Variants in CSMD1 observed in about 807,000 individuals in gnomAD.
CSMD1 encodes CUB and sushi domain-containing protein 1.
Under a neutral mutation model 417.5 loss-of-function variants are expected in CSMD1, and 213 were observed. The observed-to-expected ratio is 0.51, with a 90% CI of 0.46 to 0.57. CSMD1 has a LOEUF of 0.57. CSMD1 is among the 20% of genes least tolerant of loss of function. The pLI, the probability that CSMD1 is intolerant of heterozygous loss-of-function variation, is 0.00. For synonymous variants in CSMD1, 2,862 were observed against 1,736.8 expected, an observed-to-expected ratio of 1.65 and a Z score of -16.11; for missense variants, 6,923 against 4,529.7, an observed-to-expected ratio of 1.53 and a Z score of -15.17.
chr8:4,648,671 C>A lies in CSMD1; in HGVS notation c.86-11113G>T, dbSNP rs1231370482. ...TCATTTCACAGACAACCATGTTTCACCTTTTACTGGATTTTTAACATTTAC... is the reference window on the plus strand; with the variant it reads ...TCATTTCACAGACAACCATGTTTCAACTTTTACTGGATTTTTAACATTTAC... On this transcript the variant is annotated intron_variant, in intron 1 of 69. Transcript: ENST00000635120. Among the ~76,000 whole-genome samples, 4 of 152,148 alleles carry A rather than the reference C, an allele frequency of 2.6e-5. No individual in the cohort carries two copies. The East Asian group carries it at 5.8e-4, about 22-fold the overall frequency.
rs559735627 is a variant in CSMD1 at position 4,746,577 on chromosome 8, G to A, written c.86-109019C>T. 4.6e-5 allele frequency among the ~76,000 whole-genome samples: 7 copies of A among 152,296 alleles called. No individual in the cohort carries two copies. In the South Asian group the frequency reaches 1.5e-3, roughly 32 times the overall value. On this transcript the variant is annotated intron_variant, in intron 1 of 69. Transcript: ENST00000635120. ...CTTGCCCAAGTGAGAATGAAGGAAT[G>A]TGATCTATTCTAGCGAGCATGCATT...
chr8:3,871,557 T>A (rs573155193), intron 5 of CSMD1, among the ~76,000 whole-genome samples: 9 of 150,468 alleles, frequency 6.0e-5, no homozygotes, highest in Admixed American at 2.0e-4. Context: ...TCTATTAGGT[T>A]ATTATTATTG....
chr8:4,269,383 G>T (rs1484656700), intron 3 of CSMD1, among the ~76,000 whole-genome samples: 1 of 152,090 alleles, frequency 6.6e-6, no homozygotes, highest in Non-Finnish European at 1.5e-5. Flanking sequence ...CATCTTCATT[G>T]TGCTTTGAAC....
chr8:3,683,995 T>G (rs73183362), intron 7 of CSMD1, among the ~76,000 whole-genome samples: 21,621 of 151,370 alleles, frequency 0.14, 1,737 homozygotes, highest in South Asian at 0.21. Context: ...AGTAACTCAT[T>G]AGAACACATT....
intron 5 of CSMD1, among the ~76,000 whole-genome samples, chr8:3,903,337 A>T (rs1388426672): frequency 6.6e-6 from 1 of 152,198 alleles, no homozygotes; most frequent in East Asian, 1.9e-4. Context: ...GCTAAAAAAA[A>T]AAAATGTACT....
At chr8:3,689,199 C>G (rs1351900609) in intron 7 of CSMD1, among the ~76,000 whole-genome samples, 4 of 152,192 alleles carry the variant, frequency 2.6e-5, no homozygotes, top group Non-Finnish European at 4.4e-5. Context: ...GAGCTGCACA[C>G]AAGTTCCTAC....
chr8:4,558,806 T>C (rs1047645444), intron 2 of CSMD1, among the ~76,000 whole-genome samples: 15 of 152,262 alleles, frequency 9.9e-5, no homozygotes, highest in Non-Finnish European at 2.1e-4. Context: ...AGGTGGACGT[T>C]GCAGTGAATG....
At chr8:4,078,851 C>T (rs1057096666) in intron 3 of CSMD1, among the ~76,000 whole-genome samples, 30 of 141,072 alleles carry the variant, frequency 2.1e-4, no homozygotes, top group African/African-American at 5.5e-4. Flanking sequence ...TGTTGGCCAA[C>T]GTAGTGAAAA....
intron 44 of CSMD1, among the ~76,000 whole-genome samples, chr8:3,108,038 C>T (rs1049348002): frequency 1.3e-5 from 2 of 151,958 alleles, no homozygotes; most frequent in African/African-American, 4.8e-5. Context: ...TAAAGTATAC[C>T]ATTTAAATAA....
chr8:3,063,934 C>A (rs1464810364), intron 49 of CSMD1, among the ~76,000 whole-genome samples: 1 of 152,168 alleles, frequency 6.6e-6, no homozygotes, highest in Non-Finnish European at 1.5e-5. Context: ...ATGTACTTAA[C>A]ACCACTGAAC....
chr8:4,176,768 G>C (rs1272331387), intron 3 of CSMD1, among the ~76,000 whole-genome samples: 1 of 149,482 alleles, frequency 6.7e-6, no homozygotes, highest in East Asian at 2.0e-4. Context: ...AAAAAAGGCA[G>C]GGGTTGCAAT....
At chr8:4,048,002 T>C (rs574926494) in intron 3 of CSMD1, among the ~76,000 whole-genome samples, 1 of 152,314 alleles carries the variant, frequency 6.6e-6, no homozygotes, top group South Asian at 2.1e-4. Context: ...CTTTAAGTCT[T>C]TGTATGAGAG....
At chr8:4,155,773 G>A (rs868702135) in intron 3 of CSMD1, among the ~76,000 whole-genome samples, 19 of 152,194 alleles carry the variant, frequency 1.2e-4, no homozygotes, top group South Asian at 2.1e-4. Flanking sequence ...GATCTTTCCA[G>A]TAATTTGTGT....
At chr8:3,360,169 T>A (rs551119855) in intron 20 of CSMD1, among the ~76,000 whole-genome samples, 3 of 152,198 alleles carry the variant, frequency 2.0e-5, no homozygotes, top group Non-Finnish European at 2.9e-5. Context: ...CTGTAAACCA[T>A]GTGAGATTGA....
chr8:4,311,615 T>G (rs1798577150), intron 3 of CSMD1, among the ~76,000 whole-genome samples: 1 of 149,888 alleles, frequency 6.7e-6, no homozygotes. Context: ...CCCAGCTACT[T>G]GGGAAGCTTA....
intron 5 of CSMD1, among the ~76,000 whole-genome samples, chr8:3,830,544 C>T (rs1802318222): frequency 6.6e-6 from 1 of 152,164 alleles, no homozygotes. Context: ...CAAAGACCTC[C>T]TGGCATGTAG....
chr8:3,766,116 G>C (rs1038237854), intron 5 of CSMD1, among the ~76,000 whole-genome samples: 9 of 152,196 alleles, frequency 5.9e-5, no homozygotes, highest in African/African-American at 2.4e-5. Context: ...CGATAAGACA[G>C]TCGAGAGACA....
chr8:3,445,598 A>G (rs1301785529), intron 12 of CSMD1, among the ~76,000 whole-genome samples: 1 of 152,162 alleles, frequency 6.6e-6, no homozygotes, highest in Non-Finnish European at 1.5e-5. Flanking sequence ...ATCACAGACC[A>G]CAATAAAGAA....
intron 3 of CSMD1, among the ~76,000 whole-genome samples, chr8:4,407,924 G>T (rs1229899725): frequency 6.6e-6 from 1 of 152,254 alleles, no homozygotes; most frequent in East Asian, 1.9e-4. Context: ...AACGTGTTCA[G>T]CATCTTATTC....
Sources: gnomAD v4.1 joint callset for allele counts (sites outside exome capture counted in the v4.1 genomes callset) on GRCh38, gnomAD v4.1.1 for gene constraint, MANE v1.5 for transcripts, NCBI Gene and HGNC (gene_info 2026-07-23, HGNC 2026-07-21) for gene names.